Variants in XIRP1 observed in about 807,000 individuals in gnomAD.
XIRP1 encodes the protein xin actin-binding repeat-containing protein 1.
For missense variants in XIRP1, 2,378 were observed against 2,345.4 expected (o/e 1.01, Z -0.29); for synonymous variants, 984 against 947.0 (o/e 1.04, Z -0.72).
chr3:39,187,142 C>T lies in XIRP1; in HGVS notation c.2304G>A (p.Glu768=), dbSNP rs960443837. The change falls in exon 2 of 2, where the codon GAG becomes GAA. Residue 768 remains glutamate, a synonymous_variant. Coordinates refer to ENST00000340369, the MANE Select transcript of XIRP1 (RefSeq NM_194293.4). The part of the protein sequence containing the change: ...PSGNRMQESQ[E]TAAEGTLRTL... ...TCCGCAGGGTCCCCTCAGCTGCAGT[C>T]TCCTGGCTCTCTTGCATCCTGTTGC... 1 of 1,611,306 alleles carries T rather than the reference C, an allele frequency of 6.2e-7. No homozygotes were observed. Among genetic ancestry groups the T allele is most frequent in the East Asian group, 2.2e-5 (1 of 44,748 alleles).
At position 39,187,311 on chromosome 3, in the gene XIRP1, T is replaced by C. The variant is rs777015488; in HGVS notation, c.2135A>G (p.Glu712Gly). 4 of 1,593,882 alleles carry C rather than the reference T, an allele frequency of 2.5e-6. No individual in the cohort carries two copies. The highest frequency in any genetic ancestry group is 3.4e-6 in the Non-Finnish European group (4 of 1,169,276). ...ALEAGKKEEQ[E>G]PRVIAGSIPA... ...GATGGACCCAGCGATTACCCGGGGC[T>C]CCTGTTCTTCCTTCTTGCCTGCCTC... is the stretch of plus-strand genomic sequence containing the variant. Residue 712 changes from glutamate to glycine, a missense_variant, in exon 2 of 2, where the codon GAG becomes GGG. Coordinates refer to ENST00000340369, the MANE Select transcript of XIRP1 (RefSeq NM_194293.4).
Position 39,185,393 on chromosome 3 carries a change from G to T in XIRP1, c.4053C>A (p.Ser1351Arg), listed in dbSNP as rs761061775. The stretch of plus-strand genomic sequence containing the variant: ...CTCTTTGCCCCACCTCCGAGGAAAA[G>T]CTGGGAGATAGAGGCAAGGGCTTGG... Reference protein sequence around the residue: ...RLPKPLPLSPSFSSEVGQREH... With the variant: ...RLPKPLPLSPRFSSEVGQREH... The change falls in exon 2 of 2, where the codon AGC (serine) becomes AGA (arginine). Residue 1351 changes from serine to arginine, a missense_variant. Coordinates refer to ENST00000340369, the MANE Select transcript of XIRP1 (RefSeq NM_194293.4). The T allele has an allele frequency of 6.2e-7, 1 of 1,614,134 alleles. No homozygotes were observed. Among genetic ancestry groups the T allele is most frequent in the South Asian group, 1.1e-5 (1 of 91,080 alleles).
Position 39,189,498 on chromosome 3 carries a change from A to C in XIRP1, c.-53T>G. 6.5e-7 allele frequency: 1 copy of C among 1,531,222 alleles called. No individual in the cohort carries two copies. The allele number at this position is 1,531,222 out of a possible 1,614,324, so 94.9% of individuals were successfully genotyped here. Reference sequence around the variant, plus strand: ...GGATGGGATTGGGAGCCTTAGATCTAGATGTTCAGCAGGGTAGAGGCTGGA... The same window carrying C: ...GGATGGGATTGGGAGCCTTAGATCTCGATGTTCAGCAGGGTAGAGGCTGGA... On this transcript the variant is annotated 5_prime_UTR_variant, in exon 2 of 2. Coordinates refer to ENST00000340369, the MANE Select transcript of XIRP1 (RefSeq NM_194293.4).
Position 39,187,780 on chromosome 3 carries a change from T to A in XIRP1, c.1666A>T (p.Thr556Ser), listed in dbSNP as rs1390590441. The A allele has an allele frequency of 1.9e-6, 3 of 1,613,824 alleles. No individual in the cohort carries two copies. The African/African-American group carries it at 4.0e-5, about 22-fold the overall frequency. The stretch of plus-strand genomic sequence containing the variant: ...TGGTGGATCATCTCCAGGGGCTGGG[T>A]CTCAAAAAGCCACCGAGCTGTGCCA... ...DVGTARWLFE[T>S]QPLEMIHQRE... Residue 556 changes from threonine (T) to serine (S), a missense_variant, in exon 2 of 2, where the codon ACC becomes TCC. By Grantham distance (58) the Thr-to-Ser change is moderately conservative. Coordinates refer to ENST00000340369, the MANE Select transcript of XIRP1 (RefSeq NM_194293.4).
intron 1 of XIRP1, 34 bp from the exon 2 acceptor site, chr3:39,189,559 C>G (rs948171836): frequency 2.3e-5 from 34 of 1,469,118 alleles, no homozygotes; most frequent in Non-Finnish European, 3.1e-5. Context: ...GGCTCAGAGT[C>G]AGAGTAGCTC....
In XIRP1 at chr3:39,183,691, AC is replaced by A; in HGVS notation, c.*222del. 1.4e-6 allele frequency: 1 copy of A among 708,662 alleles called. No individual in the cohort carries two copies. The allele number at this position is 708,662 out of a possible 1,614,324, so 43.9% of individuals were successfully genotyped here. On this transcript the variant is annotated 3_prime_UTR_variant, in exon 2 of 2. Transcript: ENST00000340369. ...AGCTGGGAGCCCCCATCCTACCCCC[AC>A]GCCTGTGCAACTCTGTGGGCCTCTT...
chr3:39,184,147 T>G lies in XIRP1; in HGVS notation c.5299A>C (p.Thr1767Pro), dbSNP rs1559745360. The change falls in exon 2 of 2, where the codon ACC (threonine) becomes CCC (proline). Residue 1767 changes from threonine to proline, a missense_variant. Transcript: ENST00000340369. The stretch of plus-strand genomic sequence containing the variant: ...ACCTCCTCATACTGTTCAGTCACGG[T>G]TCTCATGGCTCCATAGTGTTGTGAG... ...GSSQHYGAMR[T>P]VTEQYEEVDQ... The G allele has an allele frequency of 6.2e-7, 1 of 1,612,928 alleles. No homozygotes were observed. Among genetic ancestry groups the G allele is most frequent in the Non-Finnish European group, 8.5e-7 (1 of 1,179,194 alleles).
In XIRP1 at chr3:39,188,609, G is replaced by A. The variant is rs965365008; in HGVS notation, c.837C>T (p.Asp279=). The change falls in exon 2 of 2, where the codon GAC becomes GAT. Residue 279 remains aspartate, a synonymous_variant. Transcript: ENST00000340369. ...CCTGGCTGGGGTCCTGGTTGATGGC[G>A]TCCAGAGGCCGGGTCTCAAAGAGCC... The part of the protein sequence containing the change: ...ARWLFETRPL[D]AINQDPSQVR... 10 of 1,613,392 alleles carry A rather than the reference G, an allele frequency of 6.2e-6. No homozygotes were observed. Among genetic ancestry groups the A allele is most frequent in the African/African-American group, 4.0e-5 (3 of 74,906 alleles).
At position 39,188,584 on chromosome 3, in the gene XIRP1, C is replaced by G; in HGVS notation, c.862G>C (p.Val288Leu). ...LDAINQDPSQ[V>L]RVIRGISLEE... ...AGGGAAATCCCCCGGATCACCCGCA[C>G]CTGGCTGGGGTCCTGGTTGATGGCG... Residue 288 changes from valine to leucine, a missense_variant, in exon 2 of 2, where the codon GTG (valine) becomes CTG (leucine). Coordinates refer to ENST00000340369, the MANE Select transcript of XIRP1 (RefSeq NM_194293.4). 1.2e-6 allele frequency: 2 copies of G among 1,613,680 alleles called. No homozygotes were observed. Among genetic ancestry groups the G allele is most frequent in the South Asian group, 1.1e-5 (1 of 91,086 alleles).
Position 39,183,803 on chromosome 3 carries a change from T to C in XIRP1, c.*111A>G. On this transcript the variant is annotated 3_prime_UTR_variant, in exon 2 of 2. Coordinates refer to ENST00000340369, the MANE Select transcript of XIRP1 (RefSeq NM_194293.4). ...ATGGCCCACAGTAATCCTCTGAAGA[T>C]GCCATTTCCTCTTGGTCCTTGCTCC... 1.4e-6 allele frequency: 2 copies of C among 1,414,074 alleles called. No individual in the cohort carries two copies. The highest frequency in any genetic ancestry group is 1.9e-6 in the Non-Finnish European group (2 of 1,074,016). 87.6% of individuals were successfully genotyped at this position (1,414,074 alleles called of 1,614,324 possible). A position where few individuals can be genotyped will look rare whatever the true frequency, so the allele number is the denominator to read the frequency against.
chr3:39,187,450 C>T lies in XIRP1; in HGVS notation c.1996G>A (p.Glu666Lys), dbSNP rs144350990. 9.2e-4 allele frequency: 1,479 copies of T among 1,614,126 alleles called. 1 individual carries two copies. The highest frequency in any genetic ancestry group is 1.1e-3 in the Non-Finnish European group (1,349 of 1,180,050). ...RQTDRHVFETEPLQASGRPCG... is the reference protein window; with the variant it reads ...RQTDRHVFETKPLQASGRPCG... The stretch of plus-strand genomic sequence containing the variant: ...GGACGGCCTGAGGCCTGAAGAGGCT[C>T]GGTCTCAAAGACGTGTCTGTCTGTC... Residue 666 changes from glutamate to lysine, a missense_variant, in exon 2 of 2, where the codon GAG (glutamate) becomes AAG (lysine). Physicochemically the swap from Glu to Lys is moderately conservative, Grantham distance 56. Transcript: ENST00000340369.
rs1384562467 is a variant in XIRP1 at position 39,184,032 on chromosome 3, A to G, written c.5414T>C (p.Leu1805Pro). The change falls in exon 2 of 2, where the codon CTC (leucine) becomes CCC (proline). Residue 1805 changes from leucine (L) to proline (P), a missense_variant. By Grantham distance (98) the Leu-to-Pro change is moderately conservative. Coordinates refer to ENST00000340369, the MANE Select transcript of XIRP1 (RefSeq NM_194293.4). ...PPRNPGSHLGLHASPLLRQFL... is the reference protein window; with the variant it reads ...PPRNPGSHLGPHASPLLRQFL... ...CTGCCTCAGCAAGGGGGAGGCGTGGAGCCCGAGGTGGGAGCCTGGGTTCCT... is the reference window on the plus strand; with the variant it reads ...CTGCCTCAGCAAGGGGGAGGCGTGGGGCCCGAGGTGGGAGCCTGGGTTCCT... The G allele has an allele frequency of 1.2e-6, 2 of 1,612,662 alleles. No homozygotes were observed. The highest frequency in any genetic ancestry group is 1.3e-5 in the African/African-American group (1 of 74,902).
chr3:39,185,529 CCTCCAGGGGTTCT>C lies in XIRP1; in HGVS notation c.3904_3916del (p.Arg1302GlyfsTer28). On this transcript the variant is annotated frameshift_variant, in exon 2 of 2. Transcript: ENST00000340369. LOFTEE classifies it low-confidence loss of function (END_TRUNC). ...CAGTTTTGGGGTCTTTGTCTGTGACCCTCCAGGGGTTCTCTGGCCAGCAGGGCTGCTGTGGGAG... is the reference window on the plus strand; with the variant it reads ...CAGTTTTGGGGTCTTTGTCTGTGACCCTGGCCAGCAGGGCTGCTGTGGGAG... 1.9e-6 allele frequency: 3 copies of C among 1,556,912 alleles called. No homozygotes were observed. Among genetic ancestry groups the C allele is most frequent in the Non-Finnish European group, 2.6e-6 (3 of 1,152,894 alleles).
In XIRP1 at chr3:39,186,905, C is replaced by T. The variant is rs770758701; in HGVS notation, c.2541G>A (p.Val847=). Residue 847 remains valine, a synonymous_variant, in exon 2 of 2, where the codon GTG becomes GTA. Transcript: ENST00000340369. ...GGAGCTGGCCAGTTGGGTCTTCCTGCACCAGCAGCCCCTGCTGGTCCACAT... is the reference window on the plus strand; with the variant it reads ...GGAGCTGGCCAGTTGGGTCTTCCTGTACCAGCAGCCCCTGCTGGTCCACAT... The part of the protein sequence containing the change: ...RPDVDQQGLL[V]QEDPTGQLQL... The T allele has an allele frequency of 4.7e-5, 76 of 1,613,942 alleles. No individual in the cohort carries two copies. Among genetic ancestry groups the T allele is most frequent in the Non-Finnish European group, 6.4e-5 (76 of 1,179,912 alleles).
In XIRP1 at chr3:39,188,371, C is replaced by T. The variant is rs2040026103; in HGVS notation, c.1075G>A (p.Gly359Arg). ...GCCTCTGCTCCAGCCTCTTCGTCCC[C>T]CTTCAGAGTGTCCAGCGCTCGGGTC... ...FETRALDTLK[G>R]DEEAGAEAPP... Residue 359 changes from glycine to arginine, a missense_variant, in exon 2 of 2, where the codon GGG becomes AGG. Physicochemically the swap from Gly to Arg is moderately radical, Grantham distance 125. Transcript: ENST00000340369. 1.2e-6 allele frequency: 2 copies of T among 1,614,042 alleles called. No individual in the cohort carries two copies. The highest frequency in any genetic ancestry group is 1.7e-6 in the Non-Finnish European group (2 of 1,179,914).
In XIRP1 at chr3:39,185,843, C is replaced by G. The variant is rs369663794; in HGVS notation, c.3603G>C (p.Gln1201His). The G allele has an allele frequency of 1.9e-6, 3 of 1,613,590 alleles. No homozygotes were observed. In the African/African-American group the frequency reaches 4.0e-5, roughly 22 times the overall value. ...PGREEPGGCT[Q>H]MAWGPPGKAM... is the part of the protein sequence containing the mutation. ...CCTTCCCTGGTGGCCCCCAGGCCATCTGTGTGCAGCCCCCAGGCTCCTCCC... is the reference window on the plus strand; with the variant it reads ...CCTTCCCTGGTGGCCCCCAGGCCATGTGTGTGCAGCCCCCAGGCTCCTCCC... Residue 1201 changes from glutamine (Q) to histidine (H), a missense_variant, in exon 2 of 2, where the codon CAG becomes CAC. Transcript: ENST00000340369.
Position 39,184,609 on chromosome 3 carries a change from C to T in XIRP1, c.4837G>A (p.Ala1613Thr), listed in dbSNP as rs368515501. Residue 1613 changes from alanine to threonine, a missense_variant, in exon 2 of 2, where the codon GCC (alanine) becomes ACC (threonine). Ala to Thr is a moderately conservative substitution (Grantham distance 58). Coordinates refer to ENST00000340369, the MANE Select transcript of XIRP1 (RefSeq NM_194293.4). ...VGGQTAVKNQ[A>T]KVECHTEAQS... is the part of the protein sequence containing the mutation. ...GCCTCAGTGTGGCATTCAACCTTGG[C>T]TTGGTTCTTGACTGCAGTTTGACCT... 1.9e-5 allele frequency: 30 copies of T among 1,613,694 alleles called. No individual in the cohort carries two copies. The highest frequency in any genetic ancestry group is 2.5e-5 in the Non-Finnish European group (29 of 1,179,850).
rs772060658 is a variant in XIRP1, at chr3:39,184,402, G to C, written c.5044C>G (p.Pro1682Ala). 6.2e-7 allele frequency: 1 copy of C among 1,614,076 alleles called. No individual in the cohort carries two copies. The highest frequency in any genetic ancestry group is 1.3e-5 in the African/African-American group (1 of 74,928). Residue 1682 changes from proline (P) to alanine (A), a missense_variant, in exon 2 of 2, where the codon CCT (proline) becomes GCT (alanine). Coordinates refer to ENST00000340369, the MANE Select transcript of XIRP1 (RefSeq NM_194293.4). ...CCCTTAAAGCTGGGAGTCTCTAGAG[G>C]CTTCCTTGTGGCCGACTGGATGGAG... ...FISIQSATRK[P>A]LETPSFKGNP... is the part of the protein sequence containing the mutation.
Position 39,184,407 on chromosome 3 carries a change from C to T in XIRP1, c.5039G>A (p.Arg1680Lys). 6 of 1,614,156 alleles carry T rather than the reference C, an allele frequency of 3.7e-6. No homozygotes were observed. The highest frequency in any genetic ancestry group is 5.1e-6 in the Non-Finnish European group (6 of 1,180,030). The change falls in exon 2 of 2, where the codon AGG becomes AAG. Residue 1680 changes from arginine (R) to lysine (K), a missense_variant. Arg to Lys is a conservative substitution (Grantham distance 26). Coordinates refer to ENST00000340369, the MANE Select transcript of XIRP1 (RefSeq NM_194293.4). ...AAAGCTGGGAGTCTCTAGAGGCTTC[C>T]TTGTGGCCGACTGGATGGAGATAAA... is the stretch of plus-strand genomic sequence containing the variant. ...PTFISIQSAT[R>K]KPLETPSFKG... is the part of the protein sequence containing the mutation.
Sources: allele counts gnomAD v4.1 joint callset, GRCh38; gene constraint gnomAD v4.1.1; transcripts MANE v1.5; gene names NCBI Gene and HGNC (gene_info 2026-07-23, HGNC 2026-07-21).